PCSK2: variants seen among roughly 807,000 people sequenced by gnomAD.
PCSK2 encodes neuroendocrine convertase 2.
In PCSK2, 14 loss-of-function variants were observed where a neutral mutation model predicts 69.7. That is an observed-to-expected ratio of 0.20 (90% CI 0.13 to 0.31). The LOEUF is 0.31. Ranked by LOEUF, PCSK2 falls within the 10% of genes least tolerant of loss-of-function variation. The probability of loss-of-function intolerance (pLI) is 1.00; values close to 1 mark genes in which losing one functional copy is unlikely to be tolerated. For missense variants in PCSK2, 544 were observed against 842.5 expected (o/e 0.65, Z 4.39); for synonymous variants, 307 against 320.7 (o/e 0.96, Z 0.46).
chr20:17,226,860 C>CCGGGGGTGGG (rs1490203401), upstream of PCSK2: 2 of 115,310 alleles, frequency 1.7e-5, no homozygotes, highest in African/African-American at 6.3e-5. Context: ...CCGGGCCGGG[C>CCGGGGGTGGG]CGGGGGTGGG....
intron 2 of PCSK2, among the ~76,000 whole-genome samples, chr20:17,329,900 T>G (rs1170971390): frequency 1.7e-4 from 26 of 152,210 alleles, no homozygotes; most frequent in Admixed American, 1.7e-3. Context: ...GTAATCATTA[T>G]TATCATTAGT....
intron 6 of PCSK2, among the ~76,000 whole-genome samples, chr20:17,417,375 T>C (rs534054235): frequency 4.2e-4 from 64 of 152,316 alleles, no homozygotes; most frequent in Non-Finnish European, 6.9e-4. Context: ...GACACAGTCA[T>C]AGTGACTCAG....
chr20:17,392,893 G>A (rs1211000724), intron 5 of PCSK2, among the ~76,000 whole-genome samples: 1 of 152,154 alleles, frequency 6.6e-6, no homozygotes, highest in East Asian at 1.9e-4. Context: ...TCTACACACA[G>A]ATTTTTGTAT....
At chr20:17,415,164 T>G (rs1018655000) in intron 6 of PCSK2, among the ~76,000 whole-genome samples, 1 of 152,142 alleles carries the variant, frequency 6.6e-6, no homozygotes, top group Non-Finnish European at 1.5e-5. Flanking sequence ...CTATTCAACA[T>G]AGTGTTGGAA....
chr20:17,435,986 A>G (rs953010815), intron 7 of PCSK2, among the ~76,000 whole-genome samples: 18 of 152,160 alleles, frequency 1.2e-4, no homozygotes, highest in African/African-American at 4.3e-4. Context: ...TGTGTCCCAC[A>G]CTATCCTGGA....
intron 8 of PCSK2, among the ~76,000 whole-genome samples, chr20:17,437,165 C>A (rs951264041): frequency 5.3e-5 from 8 of 152,194 alleles, no homozygotes; most frequent in African/African-American, 1.9e-4. Flanking sequence ...AGACAGCAGT[C>A]CCCACGCCAA....
At chr20:17,460,921 G>T (rs1008402962) in intron 10 of PCSK2, among the ~76,000 whole-genome samples, 1 of 151,926 alleles carries the variant, frequency 6.6e-6, no homozygotes, top group African/African-American at 2.4e-5. Context: ...AAACCTATAA[G>T]GCCTTATGCC....
chr20:17,446,839 G>A (rs941154162), intron 8 of PCSK2, among the ~76,000 whole-genome samples: 1 of 152,150 alleles, frequency 6.6e-6, no homozygotes, highest in African/African-American at 2.4e-5. Context: ...AAAAGTGTCT[G>A]CAAGTCTAAA....
At chr20:17,319,795 G>C (rs1453710885) in intron 2 of PCSK2, among the ~76,000 whole-genome samples, 1 of 152,138 alleles carries the variant, frequency 6.6e-6, no homozygotes, top group Non-Finnish European at 1.5e-5. Context: ...AATCATGTAA[G>C]CATGTGCCAA....
intron 4 of PCSK2, 131 bp from the exon 5 acceptor site, chr20:17,369,108 TG>T: frequency 1.4e-6 from 1 of 732,700 alleles, no homozygotes; most frequent in Non-Finnish European, 2.5e-6. Flanking sequence ...AGCTGTGTGA[TG>T]GGGCACTCAC....
intron 1 of PCSK2, 111 bp from the exon 2 acceptor site, chr20:17,260,129 G>A (rs1237721113): frequency 4.3e-6 from 3 of 705,348 alleles, no homozygotes; most frequent in East Asian, 4.9e-5. Flanking sequence ...TGGTTTCCTT[G>A]CATACTTCCC....
chr20:17,342,704 G>A (rs1008582407), intron 2 of PCSK2, among the ~76,000 whole-genome samples: 1 of 151,888 alleles, frequency 6.6e-6, no homozygotes, highest in African/African-American at 2.4e-5. Flanking sequence ...CACGATCATG[G>A]CTCACTGCAA....
At chr20:17,334,511 C>T (rs774968928) in intron 2 of PCSK2, among the ~76,000 whole-genome samples, 2 of 152,114 alleles carry the variant, frequency 1.3e-5, no homozygotes, top group Admixed American at 6.5e-5. Context: ...GCGATCAGAG[C>T]GGATTCTTAC....
At chr20:17,468,611 G>A (rs540195516) in intron 11 of PCSK2, among the ~76,000 whole-genome samples, 1 of 150,850 alleles carries the variant, frequency 6.6e-6, no homozygotes, top group African/African-American at 2.4e-5. Context: ...CTCCTCCACG[G>A]GCCAGTGTCC....
intron 6 of PCSK2, among the ~76,000 whole-genome samples, chr20:17,426,030 T>G (rs2032241368): frequency 6.6e-6 from 1 of 152,042 alleles, no homozygotes; most frequent in Non-Finnish European, 1.5e-5. Flanking sequence ...TGTTACAGAG[T>G]GAGAGACAAT....
intron 1 of PCSK2, among the ~76,000 whole-genome samples, chr20:17,232,176 T>C (rs1578402): frequency 0.41 from 62,535 of 152,028 alleles, 14,156 homozygotes; most frequent in East Asian, 0.56. Flanking sequence ...AGGAAGATGA[T>C]TACATAGGGC....
intron 5 of PCSK2, among the ~76,000 whole-genome samples, chr20:17,379,271 C>T (rs941920384): frequency 4.6e-5 from 7 of 152,238 alleles, no homozygotes; most frequent in Admixed American, 1.3e-4. Context: ...TGTCTTGTTG[C>T]CAAGCAACAG....
chr20:17,419,049 G>A (rs903610144), intron 6 of PCSK2, among the ~76,000 whole-genome samples: 1 of 152,214 alleles, frequency 6.6e-6, no homozygotes, highest in East Asian at 1.9e-4. Flanking sequence ...GAAGTAAAAT[G>A]TTCCCCTTGG....
At chr20:17,386,401 A>G (rs368185668) in intron 5 of PCSK2, among the ~76,000 whole-genome samples, 24 of 152,232 alleles carry the variant, frequency 1.6e-4, no homozygotes, top group African/African-American at 5.3e-4. Flanking sequence ...ATAATGGAAT[A>G]TTATTCAGCC....
Sources: allele counts gnomAD v4.1 joint callset (sites outside exome capture counted in the v4.1 genomes callset), GRCh38; gene constraint gnomAD v4.1.1; transcripts MANE v1.5; gene names NCBI Gene and HGNC (gene_info 2026-07-23, HGNC 2026-07-21).